Variants in CHL1 observed in about 807,000 individuals in gnomAD.
CHL1 encodes neural cell adhesion molecule L1-like protein.
CHL1 carries 96 observed loss-of-function variants against 141.9 expected under a neutral mutation model. That is an observed-to-expected ratio of 0.68 (90% CI 0.57 to 0.80). The LOEUF (loss-of-function observed/expected upper bound fraction) is 0.80. Ranked by LOEUF, CHL1 falls within the 30% of genes least tolerant of loss-of-function variation. CHL1 has a pLI of 0.00. For missense variants in CHL1, 1,820 were observed against 1,457.2 expected (o/e 1.25, Z -4.05); for synonymous variants, 613 against 502.2 (o/e 1.22, Z -2.95).
chr3:316,236 C>A (rs538397294), intron 2 of CHL1, among the ~76,000 whole-genome samples: 1 of 151,972 alleles, frequency 6.6e-6, no homozygotes. Context: ...TTACAGGTTG[C>A]TCTTTGTTAG....
chr3:354,776 G>A lies in CHL1; in HGVS notation c.1165+5G>A, dbSNP rs1453588206. ...TCAATGGCTCCCCAGTTGACAGTAA[G>A]TTTAAAAACCAATTGCAATGCAATG... On this transcript the variant is annotated splice_donor_5th_base_variant and intron_variant, in intron 11 of 27. Transcript: ENST00000256509. 6.2e-7 allele frequency: 1 copy of A among 1,613,198 alleles called. No individual in the cohort carries two copies. Among genetic ancestry groups the A allele is most frequent in the South Asian group, 1.1e-5 (1 of 91,008 alleles).
intron 2 of CHL1, among the ~76,000 whole-genome samples, chr3:245,660 A>T (rs544136727): frequency 1.8e-4 from 28 of 152,286 alleles, no homozygotes; most frequent in African/African-American, 6.7e-4. Flanking sequence ...ATTTTTTTCT[A>T]TGCATTTGTT....
chr3:386,199 A>G (rs1431540225), intron 19 of CHL1, among the ~76,000 whole-genome samples: 1 of 97,166 alleles, frequency 1.0e-5, no homozygotes. Flanking sequence ...GGTCAGAGGG[A>G]CATAATTTGA....
intron 13 of CHL1, among the ~76,000 whole-genome samples, chr3:362,132 A>T (rs1704317522): frequency 6.6e-6 from 1 of 152,040 alleles, no homozygotes; most frequent in Non-Finnish European, 1.5e-5. Flanking sequence ...GTCATGTTTT[A>T]CTCTATTGTT....
chr3:297,761 C>T (rs944605741), intron 2 of CHL1, among the ~76,000 whole-genome samples: 4 of 152,160 alleles, frequency 2.6e-5, no homozygotes, highest in African/African-American at 9.7e-5. Flanking sequence ...TTGTTAGCTT[C>T]AAAGAGAGCT....
At chr3:235,151 C>T (rs1051534403) in intron 1 of CHL1, among the ~76,000 whole-genome samples, 1 of 152,002 alleles carries the variant, frequency 6.6e-6, no homozygotes, top group Non-Finnish European at 1.5e-5. Context: ...TATCCCTCCC[C>T]CCTCTTTCTA....
intron 19 of CHL1, among the ~76,000 whole-genome samples, chr3:387,229 A>T (rs1707816713): frequency 6.6e-6 from 1 of 152,236 alleles, no homozygotes; most frequent in Admixed American, 6.5e-5. Flanking sequence ...GATCCTCTAA[A>T]GGATACACAT....
intron 19 of CHL1, among the ~76,000 whole-genome samples, chr3:386,474 T>A (rs541680647): frequency 4.6e-5 from 7 of 152,344 alleles, no homozygotes; most frequent in Non-Finnish European, 7.3e-5. Flanking sequence ...CATCATAATG[T>A]TCTACTTGCA....
In CHL1 at chr3:389,365, G is replaced by C; in HGVS notation, c.2361G>C (p.Arg787=). The change falls in exon 20 of 28, where the codon CGG becomes CGC. Residue 787 remains arginine, a synonymous_variant. Transcript: ENST00000256509. ...AAACAGTCACAAACCACACATTGCG[G>C]GTGATGACGCCTGCTGTCTATGCCC... is the stretch of plus-strand genomic sequence containing the variant. ...EEETVTNHTL[R]VMTPAVYAPY... The C allele has an allele frequency of 6.2e-7, 1 of 1,614,164 alleles. No homozygotes were observed. The highest frequency in any genetic ancestry group is 8.5e-7 in the Non-Finnish European group (1 of 1,180,026).
chr3:266,772 C>T (rs1481629365), intron 2 of CHL1, among the ~76,000 whole-genome samples: 2 of 152,220 alleles, frequency 1.3e-5, no homozygotes, highest in Non-Finnish European at 2.9e-5. Context: ...GATGGATGCT[C>T]TCCAGATTAG....
intron 15 of CHL1, among the ~76,000 whole-genome samples, chr3:369,611 C>G (rs1392215350): frequency 6.6e-6 from 1 of 152,182 alleles, no homozygotes; most frequent in African/African-American, 2.4e-5. Flanking sequence ...CCTGATGGCC[C>G]TGGCCAGAAC....
At chr3:240,839 T>C (rs1294887004) in intron 1 of CHL1, among the ~76,000 whole-genome samples, 1 of 141,864 alleles carries the variant, frequency 7.0e-6, no homozygotes, top group East Asian at 2.1e-4. Flanking sequence ...GCAGCATCAT[T>C]TGTTAAATAG....
At chr3:287,868 C>T (rs547416725) in intron 2 of CHL1, among the ~76,000 whole-genome samples, 25 of 152,134 alleles carry the variant, frequency 1.6e-4, no homozygotes, top group South Asian at 6.2e-4. Context: ...CGGGTTGAAG[C>T]GATTCTCCTG....
Position 406,327 on chromosome 3 carries a change from C to A in CHL1, c.*616C>A, listed in dbSNP as rs151253250. ...ATGGTCATATTTAAACAGAAGTATA[C>A]GTTTTTCAGTTTCAACATGAATTTT... On this transcript the variant is annotated 3_prime_UTR_variant, in exon 28 of 28. Transcript: ENST00000256509. 2 of 151,672 alleles carry A rather than the reference C, an allele frequency of 1.3e-5. No individual in the cohort carries two copies. The highest frequency in any genetic ancestry group is 1.5e-5 in the Non-Finnish European group (1 of 67,956). 9.4% of individuals were successfully genotyped at this position (151,672 alleles called of 1,614,324 possible).
chr3:285,431 C>G (rs749070985), intron 2 of CHL1, among the ~76,000 whole-genome samples: 1 of 152,246 alleles, frequency 6.6e-6, no homozygotes, highest in African/African-American at 2.4e-5. Flanking sequence ...GTACAAAATT[C>G]AGTACAGTCA....
At chr3:343,453 C>T (rs780292264) in intron 8 of CHL1, among the ~76,000 whole-genome samples, 2 of 152,128 alleles carry the variant, frequency 1.3e-5, no homozygotes, top group African/African-American at 2.4e-5. Context: ...AAATATTTGA[C>T]ATGCAACTGT....
intron 1 of CHL1, among the ~76,000 whole-genome samples, chr3:235,464 G>A (rs1002451252): frequency 6.6e-6 from 1 of 152,098 alleles, no homozygotes; most frequent in Non-Finnish European, 1.5e-5. Flanking sequence ...CTGGCCTGTA[G>A]TTAGCCCTGT....
chr3:362,090 A>G (rs897797181), intron 13 of CHL1, among the ~76,000 whole-genome samples: 1 of 152,178 alleles, frequency 6.6e-6, no homozygotes, highest in African/African-American at 2.4e-5. Context: ...TTTTAAAGGT[A>G]GTTTTGGTTT....
At chr3:326,539 G>C (rs1701027452) in intron 4 of CHL1, among the ~76,000 whole-genome samples, 1 of 150,932 alleles carries the variant, frequency 6.6e-6, no homozygotes, top group Non-Finnish European at 1.5e-5. Flanking sequence ...GTCATCTCAG[G>C]TGGCAGAGTA....
Sources: gnomAD v4.1 joint callset for allele counts (sites outside exome capture counted in the v4.1 genomes callset) on GRCh38, gnomAD v4.1.1 for gene constraint, MANE v1.5 for transcripts, NCBI Gene and HGNC (gene_info 2026-07-23, HGNC 2026-07-21) for gene names.